The following MAN1A2 variants were observed in gnomAD, a reference collection of about 807,000 sequenced individuals.
MAN1A2 encodes the protein mannosidase alpha class 1A member 2.
Under a neutral mutation model 75.7 loss-of-function variants are expected in MAN1A2, and 26 were observed. The observed-to-expected ratio is 0.34, with a 90% CI of 0.25 to 0.48. The LOEUF is 0.48. MAN1A2 is among the 20% of genes least tolerant of loss of function. The pLI is 0.99. For synonymous variants in MAN1A2, 247 were observed against 264.6 expected, an observed-to-expected ratio of 0.93 and a Z score of 0.65; for missense variants, 562 against 775.5, an observed-to-expected ratio of 0.72 and a Z score of 3.27.
At chr1:117,377,320 G>C (rs1146301) in intron 1 of MAN1A2, among the ~76,000 whole-genome samples, 151,703 of 152,358 alleles carry the variant, frequency 1, 75,529 homozygotes, top group Non-Finnish European at 1. Context: ...TTGGTAACAC[G>C]CTGAGTAAGG....
intron 1 of MAN1A2, among the ~76,000 whole-genome samples, chr1:117,390,324 T>C (rs902335964): frequency 3.9e-5 from 6 of 151,972 alleles, no homozygotes; most frequent in Admixed American, 2.6e-4. Context: ...TACAGGCTGT[T>C]AAGGTAATCT....
At chr1:117,372,694 C>T (rs1302069429) in intron 1 of MAN1A2, among the ~76,000 whole-genome samples, 1 of 151,634 alleles carries the variant, frequency 6.6e-6, no homozygotes, top group East Asian at 1.9e-4. Flanking sequence ...CGCTAATATA[C>T]ATAAAGTAAT....
At chr1:117,514,851 A>T (rs1249603505) in intron 12 of MAN1A2, 1 of 532,936 alleles carries the variant, frequency 1.9e-6, no homozygotes, top group Non-Finnish European at 3.9e-6. Flanking sequence ...TCTTGAAGTT[A>T]GCCTCCTACC....
chr1:117,427,938 C>T (rs1056209618), intron 5 of MAN1A2, among the ~76,000 whole-genome samples: 7 of 152,144 alleles, frequency 4.6e-5, no homozygotes, highest in African/African-American at 1.7e-4. Flanking sequence ...AATGGAACTA[C>T]AAGATTGTAA....
intron 6 of MAN1A2, among the ~76,000 whole-genome samples, chr1:117,443,387 C>A (rs545651524): frequency 3.2e-4 from 48 of 152,248 alleles, no homozygotes; most frequent in African/African-American, 1.1e-3. Flanking sequence ...CCAGAGCAAG[C>A]TCCATGGAAG....
At chr1:117,491,094 G>C (rs1194789012) in intron 8 of MAN1A2, among the ~76,000 whole-genome samples, 3 of 151,998 alleles carry the variant, frequency 2.0e-5, no homozygotes, top group Non-Finnish European at 4.4e-5. Context: ...TGCAGCAAGT[G>C]ATCCAGAAGA....
intron 3 of MAN1A2, among the ~76,000 whole-genome samples, chr1:117,407,561 C>T (rs1647657220): frequency 6.6e-6 from 1 of 152,100 alleles, no homozygotes; most frequent in Non-Finnish European, 1.5e-5. Flanking sequence ...TAACTTAAAA[C>T]ACTCTTTTTG....
intron 1 of MAN1A2, among the ~76,000 whole-genome samples, chr1:117,384,775 T>G (rs771913397): frequency 2.6e-5 from 4 of 152,192 alleles, no homozygotes; most frequent in Non-Finnish European, 4.4e-5. Context: ...TTATAGTTTT[T>G]ATATCTTCTA....
At chr1:117,451,013 C>G (rs1649396702) in intron 6 of MAN1A2, among the ~76,000 whole-genome samples, 1 of 152,182 alleles carries the variant, frequency 6.6e-6, no homozygotes, top group Non-Finnish European at 1.5e-5. Context: ...CTCCAGACCC[C>G]AAAATGGTAG....
chr1:117,491,914 A>AGATAGGACTGAGTTACTGCAGTCTTAT (rs2101872208), intron 8 of MAN1A2, among the ~76,000 whole-genome samples: 1 of 152,208 alleles, frequency 6.6e-6, no homozygotes, highest in South Asian at 2.1e-4. Context: ...TGGGGCCTGA[A>AGATAGGACTGAGTTACTGCAGTCTTAT]GATAGGACTG....
At chr1:117,513,375 TA>T (rs1274323314) in intron 12 of MAN1A2, among the ~76,000 whole-genome samples, 38 of 152,164 alleles carry the variant, frequency 2.5e-4, no homozygotes, top group Non-Finnish European at 1.5e-4. Context: ...TTTTACATAA[TA>T]TTTTTTAGGT....
At chr1:117,498,242 T>G (rs1651094214) in intron 10 of MAN1A2, among the ~76,000 whole-genome samples, 1 of 151,816 alleles carries the variant, frequency 6.6e-6, no homozygotes, top group Non-Finnish European at 1.5e-5. Context: ...ATAGCTAAAA[T>G]TAGTAAAACA....
At chr1:117,478,559 T>G (rs1311790980) in intron 8 of MAN1A2, among the ~76,000 whole-genome samples, 1 of 151,996 alleles carries the variant, frequency 6.6e-6, no homozygotes, top group Non-Finnish European at 1.5e-5. Context: ...AGATTCGGGT[T>G]TTGTATTTAC....
At chr1:117,370,738 A>AGT (rs71658400) in intron 1 of MAN1A2, among the ~76,000 whole-genome samples, 16,731 of 148,124 alleles carry the variant, frequency 0.11, 976 homozygotes, top group Middle Eastern at 0.15. Flanking sequence ...ATCTTCATTT[A>AGT]GTGTGTGTGT....
chr1:117,473,433 A>G (rs570523075), intron 8 of MAN1A2, among the ~76,000 whole-genome samples: 1 of 151,990 alleles, frequency 6.6e-6, no homozygotes, highest in Non-Finnish European at 1.5e-5. Flanking sequence ...GTCTATTCCT[A>G]ATACAGGAGC....
chr1:117,368,517 A>G (rs201696688), intron 1 of MAN1A2, 32 bp downstream of exon 1: 1 of 1,553,766 alleles, frequency 6.4e-7, no homozygotes, highest in East Asian at 2.2e-5. Context: ...TGGTACTAAC[A>G]TTTGGCAGAG....
At chr1:117,458,580 A>G (rs922303566) in intron 6 of MAN1A2, among the ~76,000 whole-genome samples, 28 of 145,184 alleles carry the variant, frequency 1.9e-4, no homozygotes, top group African/African-American at 6.4e-4. Flanking sequence ...CTAGAATGCA[A>G]TGGCGCAATC....
chr1:117,417,465 C>CTT (rs1445088963), intron 4 of MAN1A2, among the ~76,000 whole-genome samples: 2 of 145,368 alleles, frequency 1.4e-5, no homozygotes, highest in African/African-American at 5.1e-5. Flanking sequence ...CATCATCTCT[C>CTT]TTTTTCCCTC....
At position 117,452,273 on chromosome 1, in the gene MAN1A2, C is replaced by T. The variant is rs112546189; in HGVS notation, c.951-8216C>T. Among the ~76,000 whole-genome samples, 718 of 150,290 alleles carry T rather than the reference C, an allele frequency of 4.8e-3. 5 individuals carry two copies. The highest frequency in any genetic ancestry group is 0.017 in the African/African-American group (680 of 40,740). ...AGTGAGCTAAGATTGCGCCACTGCA[C>T]GCCAGCCTGGGTGACAAGAGCAAGA... On this transcript the variant is annotated intron_variant, in intron 6 of 12. Transcript: ENST00000356554.
Sources: gnomAD v4.1 joint callset for allele counts (sites outside exome capture counted in the v4.1 genomes callset) on GRCh38, gnomAD v4.1.1 for gene constraint, MANE v1.5 for transcripts, NCBI Gene and HGNC (gene_info 2026-07-23, HGNC 2026-07-21) for gene names.